Variants in DEPDC4 observed in about 807,000 individuals in gnomAD.
DEPDC4 encodes the protein DEP domain containing 4.
A neutral mutation model predicts 52.0 loss-of-function variants in DEPDC4; 52 were observed. The observed-to-expected ratio is 1.00, with a 90% CI of 0.80 to 1.26. DEPDC4 has a LOEUF of 1.26. DEPDC4 is among the 50% of genes most tolerant of loss of function. The pLI, the probability that DEPDC4 is intolerant of heterozygous loss-of-function variation, is 0.00. For missense variants in DEPDC4, 530 were observed against 546.9 expected (o/e 0.97, Z 0.31); for synonymous variants, 201 against 196.8 (o/e 1.02, Z -0.18).
chr12:100,271,395 G>C (rs540508175), upstream of DEPDC4, among the ~76,000 whole-genome samples: 1 of 151,852 alleles, frequency 6.6e-6, no homozygotes, highest in Non-Finnish European at 1.5e-5. Flanking sequence ...GTATTTAACC[G>C]TATTTCATGT....
At chr12:100,281,572 G>A in the DEPDC4 span, among the ~76,000 whole-genome samples, 203 of 152,166 alleles carry the variant, frequency 1.3e-3, no homozygotes, top group Non-Finnish European at 2.0e-3. Flanking sequence ...TTTGGCTCAC[G>A]CCTGTAATCC....
At chr12:100,278,926 C>T in the DEPDC4 span, among the ~76,000 whole-genome samples, 1 of 152,164 alleles carries the variant, frequency 6.6e-6, no homozygotes, top group South Asian at 2.1e-4. Flanking sequence ...CCGCGCCTGG[C>T]CAGTCTGAGG....
At chr12:100,260,825 G>A (rs1335818879) in intron 3 of DEPDC4, among the ~76,000 whole-genome samples, 1 of 152,018 alleles carries the variant, frequency 6.6e-6, no homozygotes, top group Non-Finnish European at 1.5e-5. Flanking sequence ...GAACCTGGGA[G>A]GCAGAGTTTA....
At chr12:100,253,773 G>T in intron 4 of DEPDC4, 58 bp from the exon 5 acceptor site, 2 of 934,726 alleles carry the variant, frequency 2.1e-6, no homozygotes, top group Non-Finnish European at 2.9e-6. Context: ...TTTAACTAAA[G>T]CACTATTTGA....
Position 100,247,142 on chromosome 12 carries a change from C to T in DEPDC4, c.1453+1758G>A, listed in dbSNP as rs183038115. Among the ~76,000 whole-genome samples, 328 of 150,412 alleles carry T rather than the reference C, an allele frequency of 2.2e-3. 1 individual carries two copies. In the Middle Eastern group the frequency reaches 0.025, roughly 11 times the overall value. On this transcript the variant is annotated intron_variant, in intron 8 of 9. Coordinates refer to ENST00000550587, the MANE Select transcript of DEPDC4 (RefSeq NM_001364818.2). Reference sequence around the variant, plus strand: ...TATTATCAGAAAACTCTTTACTTTCCAAGTGCTTGTAGCACATAGCATTGT... The same window carrying T: ...TATTATCAGAAAACTCTTTACTTTCTAAGTGCTTGTAGCACATAGCATTGT...
At chr12:100,256,363 GC>G in intron 3 of DEPDC4, 137 bp from the exon 4 acceptor site, 1 of 536,972 alleles carries the variant, frequency 1.9e-6, no homozygotes, top group Non-Finnish European at 3.2e-6. Context: ...TTAATTTAAT[GC>G]TTAGATAATT....
chr12:100,265,732 C>CA (rs2096269893), intron 1 of DEPDC4, among the ~76,000 whole-genome samples: 1 of 152,136 alleles, frequency 6.6e-6, no homozygotes, highest in Non-Finnish European at 1.5e-5. Context: ...AAACCCAAAA[C>CA]AAAAATTTTT....
At chr12:100,276,256 T>C in the DEPDC4 span, among the ~76,000 whole-genome samples, 1 of 152,214 alleles carries the variant, frequency 6.6e-6, no homozygotes, top group Non-Finnish European at 1.5e-5. Context: ...CCTATTCATT[T>C]AGAAGCTTTA....
chr12:100,255,554 G>A (rs2096229084), intron 4 of DEPDC4, among the ~76,000 whole-genome samples: 1 of 152,196 alleles, frequency 6.6e-6, no homozygotes, highest in African/African-American at 2.4e-5. Flanking sequence ...GCTTTATTCA[G>A]AAGTGAGAAA....
intron 8 of DEPDC4, among the ~76,000 whole-genome samples, chr12:100,244,381 C>T (rs898331188): frequency 6.6e-6 from 1 of 151,340 alleles, no homozygotes; most frequent in Non-Finnish European, 1.5e-5. Context: ...CAGGGTTTCA[C>T]TGTGTTAGCC....
chr12:100,253,297 C>T (rs763547940), intron 5 of DEPDC4, among the ~76,000 whole-genome samples, 192 bp downstream of exon 5: 5 of 151,928 alleles, frequency 3.3e-5, no homozygotes, highest in African/African-American at 1.2e-4. Context: ...ATATTAGTTA[C>T]ATTTGATAAT....
At chr12:100,266,238 A>G (rs2096272367) in intron 1 of DEPDC4, among the ~76,000 whole-genome samples, 1 of 152,176 alleles carries the variant, frequency 6.6e-6, no homozygotes, top group African/African-American at 2.4e-5. Flanking sequence ...CCAACTATAC[A>G]TATGTTTACG....
At chr12:100,244,241 C>T (rs1002654260) in intron 8 of DEPDC4, among the ~76,000 whole-genome samples, 22 of 150,770 alleles carry the variant, frequency 1.5e-4, no homozygotes, top group Admixed American at 1.3e-3. Context: ...AATGCAGTGG[C>T]GCGATCTCGG....
At position 100,252,738 on chromosome 12, in the gene DEPDC4, T is replaced by G. The variant is rs75639504; in HGVS notation, c.1106-202A>C. Reference sequence around the variant, plus strand: ...TTCTATGTAATATGCGATGTAGCTATATCCAGCATTATCAAACAGTATTTT... The same window carrying G: ...TTCTATGTAATATGCGATGTAGCTAGATCCAGCATTATCAAACAGTATTTT... On this transcript the variant is annotated intron_variant, in intron 5 of 9. Transcript: ENST00000550587. Among the ~76,000 whole-genome samples the G allele has an allele frequency of 6.1e-3, 933 of 152,382 alleles. 9 individuals are homozygous for G. The highest frequency in any genetic ancestry group is 0.022 in the African/African-American group (896 of 41,602).
chr12:100,271,157 T>A (rs1046930874), upstream of DEPDC4, among the ~76,000 whole-genome samples: 10 of 151,312 alleles, frequency 6.6e-5, no homozygotes, highest in Admixed American at 6.6e-4. Flanking sequence ...TTAAAAAACT[T>A]CTAGTAATCT....
downstream of DEPDC4, among the ~76,000 whole-genome samples, chr12:100,235,994 C>T (rs1311901275): frequency 6.6e-6 from 1 of 152,224 alleles, no homozygotes; most frequent in Non-Finnish European, 1.5e-5. Flanking sequence ...TCTCCAATCC[C>T]ATCCAGGTTG....
In DEPDC4 at chr12:100,263,519, T is replaced by C; in HGVS notation, c.532A>G (p.Asn178Asp). The C allele has an allele frequency of 1.3e-6, 2 of 1,594,554 alleles. No individual in the cohort carries two copies. The highest frequency in any genetic ancestry group is 1.4e-5 in the African/African-American group (1 of 73,900). Residue 178 changes from asparagine to aspartate, a missense_variant, in exon 2 of 10, where the codon AAT becomes GAT. Physicochemically the swap from Asn to Asp is conservative, Grantham distance 23. Transcript: ENST00000550587. Reference protein sequence around the residue: ...DCCKRQKDAENEFNETLRPGY... With the variant: ...DCCKRQKDAEDEFNETLRPGY... ...AACCTCAAGGTTTCATTGAACTCATTCTCAGCATCCTTTTGTCTTTTGCAA... is the reference window on the plus strand; with the variant it reads ...AACCTCAAGGTTTCATTGAACTCATCCTCAGCATCCTTTTGTCTTTTGCAA...
chr12:100,252,402 G>A lies in DEPDC4; in HGVS notation c.1240C>T (p.Gln414Ter), dbSNP rs755091553. The A allele has an allele frequency of 2.2e-4, 344 of 1,556,174 alleles. 1 individual carries two copies. The highest frequency in any genetic ancestry group is 2.7e-4 in the Non-Finnish European group (317 of 1,160,330). Reference protein sequence around the residue: ...MASEPNAYKLQKQYDNKTVVL... With the variant: ...MASEPNAYKL ...ATTGCAAAATTTTTCACCTGTTTTTGCAACTTGTAGGCATTGGGCTCTGAT... is the reference window on the plus strand; with the variant it reads ...ATTGCAAAATTTTTCACCTGTTTTTACAACTTGTAGGCATTGGGCTCTGAT... The change falls in exon 6 of 10, where the codon CAA becomes TAA. Residue 414 changes from glutamine (Q) to a stop codon, truncating the protein, a stop_gained. Transcript: ENST00000550587. LOFTEE classifies it high-confidence loss of function.
In DEPDC4 at chr12:100,254,076, C is replaced by G. The variant is rs77862649; in HGVS notation, c.879-361G>C. On this transcript the variant is annotated intron_variant, in intron 4 of 9. Coordinates refer to ENST00000550587, the MANE Select transcript of DEPDC4 (RefSeq NM_001364818.2). ...CTATTATTATTTGAAAATAAGATAC[C>G]AAATATTTCCCCAACCCAGATGAAC... Among the ~76,000 whole-genome samples, 389 of 151,924 alleles carry G rather than the reference C, an allele frequency of 2.6e-3. 14 individuals carry two copies. In the East Asian group the frequency reaches 0.067, roughly 26 times the overall value.
Sources: gnomAD v4.1 joint callset for allele counts (sites outside exome capture counted in the v4.1 genomes callset) on GRCh38, gnomAD v4.1.1 for gene constraint, MANE v1.5 for transcripts, NCBI Gene and HGNC (gene_info 2026-07-23, HGNC 2026-07-21) for gene names.